Variants in ARSB observed in about 807,000 individuals in gnomAD.
The protein encoded by ARSB is arylsulfatase B, also known as N-acetylgalactosamine-4-sulfatase.
In ARSB, 41 loss-of-function variants were observed where a neutral mutation model predicts 50.9. The ratio of observed to expected loss-of-function variants is 0.81; its 90% confidence interval spans 0.63 to 1.04. The LOEUF is 1.04. ARSB is among the 50% of genes least tolerant of loss of function. The probability of loss-of-function intolerance (pLI) is 0.00; values close to 1 mark genes in which losing one functional copy is unlikely to be tolerated. For synonymous variants in ARSB, 269 were observed against 284.8 expected, an observed-to-expected ratio of 0.94 and a Z score of 0.56; for missense variants, 672 against 693.3, an observed-to-expected ratio of 0.97 and a Z score of 0.35.
intron 4 of ARSB, among the ~76,000 whole-genome samples, chr5:78,931,277 TA>T (rs1022344279): frequency 1.3e-4 from 20 of 152,294 alleles, no homozygotes; most frequent in African/African-American, 4.8e-4. Context: ...TACTACAGGG[TA>T]AATCCTCATT....
chr5:78,850,993 A>G (rs562219719), intron 5 of ARSB, among the ~76,000 whole-genome samples: 8 of 151,962 alleles, frequency 5.3e-5, no homozygotes, highest in Non-Finnish European at 8.8e-5. Flanking sequence ...AATTTTGTTG[A>G]TCTTTTCAAA....
intron 5 of ARSB, among the ~76,000 whole-genome samples, chr5:78,867,825 G>C (rs1276551804): frequency 1.3e-5 from 2 of 150,200 alleles, no homozygotes; most frequent in Admixed American, 6.7e-5. Context: ...TGATTTTGAC[G>C]AGCTGAGAGA....
At chr5:78,835,339 C>T (rs1744903990) in intron 6 of ARSB, among the ~76,000 whole-genome samples, 1 of 152,078 alleles carries the variant, frequency 6.6e-6, no homozygotes, top group African/African-American at 2.4e-5. Flanking sequence ...GGAGGTGTAG[C>T]TGCTGAAATC....
rs1390975198 is a variant in ARSB at position 78,779,710 on chromosome 5, G to A, written c.*687C>T. The stretch of plus-strand genomic sequence containing the variant: ...GAGGTCAAAAGGAAAGGCAGGAAAA[G>A]CCACAGAAGAATTGGAAGTGGCAGG... On this transcript the variant is annotated 3_prime_UTR_variant, in exon 8 of 8. Transcript: ENST00000264914. 3 of 152,900 alleles carry A rather than the reference G, an allele frequency of 2.0e-5. No individual in the cohort carries two copies. The highest frequency in any genetic ancestry group is 7.2e-5 in the African/African-American group (3 of 41,460). 9.5% of individuals were successfully genotyped at this position (152,900 alleles called of 1,614,324 possible).
At chr5:78,934,783 G>A (rs907242320) in intron 4 of ARSB, among the ~76,000 whole-genome samples, 2 of 151,946 alleles carry the variant, frequency 1.3e-5, no homozygotes, top group Admixed American at 6.6e-5. Flanking sequence ...GTGACAGAGC[G>A]AGATTCTGTC....
intron 6 of ARSB, among the ~76,000 whole-genome samples, chr5:78,806,487 A>G (rs1743569131): frequency 6.6e-6 from 1 of 152,232 alleles, no homozygotes; most frequent in South Asian, 2.1e-4. Flanking sequence ...ATCTGGATAT[A>G]TTACAGGATT....
intron 6 of ARSB, among the ~76,000 whole-genome samples, chr5:78,820,149 G>A (rs988124910): frequency 1.3e-5 from 2 of 152,162 alleles, no homozygotes; most frequent in Admixed American, 1.3e-4. Context: ...GCACCATCTT[G>A]GAAGCAGAAA....
chr5:78,915,852 A>G (rs375564633), intron 4 of ARSB, among the ~76,000 whole-genome samples: 47 of 152,312 alleles, frequency 3.1e-4, no homozygotes, highest in African/African-American at 1.1e-3. Context: ...GAATGCGACT[A>G]GTCAAAGAAG....
chr5:78,984,479 A>G (rs1753051266), intron 1 of ARSB, among the ~76,000 whole-genome samples: 2 of 152,048 alleles, frequency 1.3e-5, no homozygotes, highest in Admixed American at 6.5e-5. Context: ...TTGGTGGGAC[A>G]CTCCTAACCT....
At chr5:78,787,896 G>T (rs1216921451) in intron 6 of ARSB, among the ~76,000 whole-genome samples, 1 of 152,222 alleles carries the variant, frequency 6.6e-6, no homozygotes, top group Non-Finnish European at 1.5e-5. Flanking sequence ...CTTAACCCTA[G>T]AAGTGGATTC....
chr5:78,831,705 T>G (rs1404693722), intron 6 of ARSB, among the ~76,000 whole-genome samples: 1 of 152,174 alleles, frequency 6.6e-6, no homozygotes, highest in African/African-American at 2.4e-5. Context: ...GTTTCTTCAC[T>G]TGGATTATAA....
At chr5:78,847,881 T>G (rs1272161348) in intron 5 of ARSB, among the ~76,000 whole-genome samples, 1 of 152,108 alleles carries the variant, frequency 6.6e-6, no homozygotes, top group Non-Finnish European at 1.5e-5. Flanking sequence ...TCATGATCAC[T>G]TGTATTTCTA....
chr5:78,901,570 T>G (rs1490200041), intron 4 of ARSB, among the ~76,000 whole-genome samples: 1 of 150,824 alleles, frequency 6.6e-6, no homozygotes, highest in Admixed American at 6.7e-5. Flanking sequence ...AAAAAAATAA[T>G]GCTAGAGTAT....
At chr5:78,962,028 A>G (rs1461435054) in intron 3 of ARSB, among the ~76,000 whole-genome samples, 1 of 152,172 alleles carries the variant, frequency 6.6e-6, no homozygotes, top group Non-Finnish European at 1.5e-5. Context: ...GCTGGGACTC[A>G]GAATCTCTGG....
intron 7 of ARSB, among the ~76,000 whole-genome samples, chr5:78,781,323 CTTTTT>C (rs376851173): frequency 1.6e-4 from 12 of 75,352 alleles, no homozygotes; most frequent in African/African-American, 5.9e-4. Context: ...CTCTCTCTCT[CTTTTT>C]TTTTTTTTTT....
chr5:78,910,342 G>A (rs181137916), intron 4 of ARSB, among the ~76,000 whole-genome samples: 1 of 152,368 alleles, frequency 6.6e-6, no homozygotes, highest in African/African-American at 2.4e-5. Flanking sequence ...ACCCACAGGT[G>A]TGGAGGGGCT....
At chr5:78,849,199 G>A (rs1229775414) in intron 5 of ARSB, among the ~76,000 whole-genome samples, 4 of 152,126 alleles carry the variant, frequency 2.6e-5, no homozygotes, top group East Asian at 1.9e-4. Context: ...ATGGTTTTAG[G>A]TCTAACGTTT....
intron 6 of ARSB, among the ~76,000 whole-genome samples, chr5:78,805,919 C>T: frequency 6.6e-6 from 1 of 152,314 alleles, no homozygotes; most frequent in South Asian, 2.1e-4. Flanking sequence ...GCACTGTGAG[C>T]TTGGGCTCCC....
chr5:78,929,385 G>A (rs1387710193), intron 4 of ARSB, among the ~76,000 whole-genome samples: 4 of 152,100 alleles, frequency 2.6e-5, no homozygotes, highest in African/African-American at 7.2e-5. Flanking sequence ...ACACGGGAAA[G>A]GAAATCTCCA....
Sources: gnomAD v4.1 joint callset for allele counts (sites outside exome capture counted in the v4.1 genomes callset) on GRCh38, gnomAD v4.1.1 for gene constraint, MANE v1.5 for transcripts, NCBI Gene and HGNC (gene_info 2026-07-23, HGNC 2026-07-21) for gene names.